The following MYRIP variants were observed in gnomAD, a reference collection of about 807,000 sequenced individuals.
The protein encoded by MYRIP is myosin VIIA and Rab interacting protein, also known as rab effector MyRIP.
Under a neutral mutation model 98.0 loss-of-function variants are expected in MYRIP, and 49 were observed. The observed-to-expected ratio is 0.50, with a 90% CI of 0.40 to 0.63. The LOEUF (loss-of-function observed/expected upper bound fraction) is 0.63, where lower values mean the gene tolerates loss of function less well. Ranked by LOEUF, MYRIP falls within the 30% of genes least tolerant of loss-of-function variation. The pLI is 0.00. For missense variants in MYRIP, 1,004 were observed against 1,058.2 expected (o/e 0.95, Z 0.71); for synonymous variants, 404 against 409.5 (o/e 0.99, Z 0.16).
chr3:40,098,099 T>G (rs1253799935), intron 3 of MYRIP, among the ~76,000 whole-genome samples: 1 of 152,182 alleles, frequency 6.6e-6, no homozygotes. Context: ...TGACCTGTAT[T>G]GGGCCCCATC....
intron 2 of MYRIP, among the ~76,000 whole-genome samples, chr3:39,966,375 A>G (rs1460503044): frequency 6.6e-6 from 1 of 152,174 alleles, no homozygotes; most frequent in African/African-American, 2.4e-5. Context: ...GAAAATTCTG[A>G]ATGACCACTA....
chr3:40,158,959 C>G (rs1312898785), intron 4 of MYRIP, among the ~76,000 whole-genome samples: 1 of 152,056 alleles, frequency 6.6e-6, no homozygotes, highest in Non-Finnish European at 1.5e-5. Context: ...ATTTGCCAGT[C>G]TGTGTCTTTT....
At chr3:40,027,814 C>G (rs181506918) in intron 2 of MYRIP, among the ~76,000 whole-genome samples, 1 of 151,956 alleles carries the variant, frequency 6.6e-6, no homozygotes. Context: ...CCATGGCTAT[C>G]AAGGGGTGGC....
At position 40,060,596 on chromosome 3, in the gene MYRIP, T is replaced by TGAGAGAGA. The variant is rs35495297; in HGVS notation, c.332+16340_332+16347dup. ...TAGATTTTCTTTTTTTTTCTTTTTT[T>TGAGAGAGA]GAGAGAGAGAGAGAGAGAGAGATTC... On this transcript the variant is annotated intron_variant, in intron 3 of 16. Coordinates refer to ENST00000302541, the MANE Select transcript of MYRIP (RefSeq NM_015460.4). 9.9e-4 allele frequency among the ~76,000 whole-genome samples: 137 copies of TGAGAGAGA among 138,886 alleles called. 1 individual carries two copies. Among genetic ancestry groups the TGAGAGAGA allele is most frequent in the African/African-American group, 3.3e-3 (122 of 37,450 alleles). 91.1% of individuals were successfully genotyped at this position (138,886 alleles called of 152,430 possible). A position where few individuals can be genotyped will look rare whatever the true frequency, so the allele number is the denominator to read the frequency against.
chr3:40,084,776 A>C lies in MYRIP; in HGVS notation c.332+40505A>C, dbSNP rs62261791. Among the ~76,000 whole-genome samples the C allele has an allele frequency of 2.4e-3, 48 of 20,082 alleles. 17 individuals carry two copies. Among genetic ancestry groups the C allele is most frequent in the East Asian group, 9.4e-3 (4 of 424 alleles). 13.2% of individuals were successfully genotyped at this position (20,082 alleles called of 152,430 possible). On this transcript the variant is annotated intron_variant, in intron 3 of 16. Transcript: ENST00000302541. ...TGTGTTACATGTCGATAGATAATAT[A>C]TATGTGTTACATGTCGATAGATAAT... is the stretch of plus-strand genomic sequence containing the variant.
At chr3:39,834,620 T>C (rs1239324954) in intron 1 of MYRIP, among the ~76,000 whole-genome samples, 2 of 152,186 alleles carry the variant, frequency 1.3e-5, no homozygotes, top group Admixed American at 1.3e-4. Context: ...CCAATTTAAG[T>C]CTCAGAATAT....
chr3:40,170,555 T>C (rs1950590851), intron 8 of MYRIP, among the ~76,000 whole-genome samples: 1 of 152,214 alleles, frequency 6.6e-6, no homozygotes, highest in Non-Finnish European at 1.5e-5. Flanking sequence ...GGAGCCAACC[T>C]TTCTGTCTGT....
At chr3:39,831,237 G>A (rs752233040) in intron 1 of MYRIP, among the ~76,000 whole-genome samples, 5 of 151,970 alleles carry the variant, frequency 3.3e-5, no homozygotes, top group East Asian at 1.9e-4. Flanking sequence ...GACTCATCTT[G>A]TTTCATGGTT....
At chr3:40,050,420 T>G (rs537768324) in intron 3 of MYRIP, among the ~76,000 whole-genome samples, 53 of 152,018 alleles carry the variant, frequency 3.5e-4, no homozygotes, top group Non-Finnish European at 7.2e-4. Flanking sequence ...TACAGCATGG[T>G]TTACTGAATA....
chr3:40,137,738 CA>C (rs1228449707), intron 3 of MYRIP, among the ~76,000 whole-genome samples: 4 of 152,058 alleles, frequency 2.6e-5, no homozygotes, highest in Admixed American at 2.6e-4. Flanking sequence ...CCTGTACACT[CA>C]GTGTTTACAT....
At chr3:40,044,444 T>C (rs1377885096) in intron 3 of MYRIP, among the ~76,000 whole-genome samples, 173 bp downstream of exon 3, 3 of 152,174 alleles carry the variant, frequency 2.0e-5, no homozygotes, top group South Asian at 4.1e-4. Flanking sequence ...TTGATCTTTA[T>C]AGGGAGGATG....
At chr3:40,009,237 C>A (rs1179850324) in intron 2 of MYRIP, among the ~76,000 whole-genome samples, 1 of 139,238 alleles carries the variant, frequency 7.2e-6, no homozygotes, top group Non-Finnish European at 1.6e-5. Flanking sequence ...ACTGCTACTT[C>A]TTTTTTTTTT....
At position 39,893,991 on chromosome 3, in the gene MYRIP, GTTTAT is replaced by G. The variant is rs1027146298; in HGVS notation, c.-30-6791_-30-6787del. Among the ~76,000 whole-genome samples the G allele has an allele frequency of 2.6e-4, 39 of 152,050 alleles. 1 individual carries two copies. Among genetic ancestry groups the G allele is most frequent in the African/African-American group, 8.9e-4 (37 of 41,488 alleles). On this transcript the variant is annotated intron_variant, in intron 1 of 16. Coordinates refer to ENST00000302541, the MANE Select transcript of MYRIP (RefSeq NM_015460.4). Reference sequence around the variant, plus strand: ...GATAATTTTTGTTTATTCAAATAATGTTTATTTTAAAAGGAAGAGAAAATATGTGC... The same window carrying G: ...GATAATTTTTGTTTATTCAAATAATGTTTAAAAGGAAGAGAAAATATGTGC...
At chr3:39,879,751 G>T (rs1374493859) in intron 1 of MYRIP, among the ~76,000 whole-genome samples, 2 of 152,122 alleles carry the variant, frequency 1.3e-5, no homozygotes, top group Non-Finnish European at 2.9e-5. Context: ...TGAAATCTCT[G>T]CTCAGATTTT....
At chr3:40,078,286 C>T (rs952990341) in intron 3 of MYRIP, among the ~76,000 whole-genome samples, 8 of 152,202 alleles carry the variant, frequency 5.3e-5, no homozygotes, top group African/African-American at 1.7e-4. Context: ...TGTGCAGCCC[C>T]GGTTCGCATT....
chr3:40,189,847 G>A lies in MYRIP; in HGVS notation c.1049G>A (p.Ser350Asn), dbSNP rs201253174. 31 of 1,612,628 alleles carry A rather than the reference G, an allele frequency of 1.9e-5. No homozygotes were observed. The Admixed American group carries it at 4.7e-4, about 24-fold the overall frequency. The change falls in exon 10 of 17, where the codon AGC (serine) becomes AAC (asparagine). Residue 350 changes from serine (S) to asparagine (N), a missense_variant. By Grantham distance (46) the Ser-to-Asn change is conservative. Coordinates refer to ENST00000302541, the MANE Select transcript of MYRIP (RefSeq NM_015460.4). ...ACAGACCTGGCCCCAGTTTTGCAGA[G>A]CCCCGACGGGAACTGGGTGGCCCTG... ...DETNLAPVLQ[S>N]PDGNWVALKD...
At chr3:39,879,807 A>G (rs1342380215) in intron 1 of MYRIP, among the ~76,000 whole-genome samples, 1 of 152,094 alleles carries the variant, frequency 6.6e-6, no homozygotes, top group Non-Finnish European at 1.5e-5. Flanking sequence ...ACACACACAC[A>G]GGTCTGGGAT....
intron 2 of MYRIP, among the ~76,000 whole-genome samples, chr3:39,972,306 T>G (rs901723190): frequency 2.0e-5 from 3 of 152,030 alleles, no homozygotes; most frequent in South Asian, 4.1e-4. Context: ...CAGAGTGCAC[T>G]GACAATGTGA....
At chr3:40,009,518 A>G (rs1043418405) in intron 2 of MYRIP, among the ~76,000 whole-genome samples, 1 of 152,174 alleles carries the variant, frequency 6.6e-6, no homozygotes, top group Non-Finnish European at 1.5e-5. Context: ...CTGGGATTAC[A>G]GGTATGAGCC....
Sources: gnomAD v4.1 joint callset for allele counts (sites outside exome capture counted in the v4.1 genomes callset) on GRCh38, gnomAD v4.1.1 for gene constraint, MANE v1.5 for transcripts, NCBI Gene and HGNC (gene_info 2026-07-23, HGNC 2026-07-21) for gene names.